Variants in CACNG5 observed in about 807,000 individuals in gnomAD.
CACNG5 encodes calcium voltage-gated channel auxiliary subunit gamma 5.
A neutral mutation model predicts 24.8 loss-of-function variants in CACNG5; 18 were observed. That is an observed-to-expected ratio of 0.73 (90% confidence interval 0.50 to 1.08). The LOEUF (loss-of-function observed/expected upper bound fraction) is 1.08. Ranked by LOEUF, CACNG5 falls within the 50% of genes least tolerant of loss-of-function variation. The pLI is 0.00. For synonymous variants in CACNG5, 157 were observed against 149.1 expected (o/e 1.05, Z -0.39); for missense variants, 349 against 367.9 (o/e 0.95, Z 0.42).
intron 1 of CACNG5, among the ~76,000 whole-genome samples, chr17:66,845,211 A>G (rs962218131): frequency 1.3e-5 from 2 of 152,162 alleles, no homozygotes; most frequent in African/African-American, 4.8e-5. Context: ...CAAACACCGC[A>G]TGTTCTCACT....
chr17:66,846,670 C>T (rs1350546355), intron 1 of CACNG5, among the ~76,000 whole-genome samples: 2 of 152,178 alleles, frequency 1.3e-5, no homozygotes, highest in South Asian at 2.1e-4. Context: ...TGCTACCACA[C>T]GAATGGAAAT....
intron 4 of CACNG5, among the ~76,000 whole-genome samples, chr17:66,882,398 G>A (rs1316843951): frequency 6.6e-6 from 1 of 152,176 alleles, no homozygotes; most frequent in Non-Finnish European, 1.5e-5. Flanking sequence ...AGAGGTCAGT[G>A]TCTGGGGCTC....
chr17:66,889,860 T>G lies in CACNG5; in HGVS notation c.*4620T>G, dbSNP rs1977316998. 6.6e-6 allele frequency among the ~76,000 whole-genome samples: 1 copy of G among 152,174 alleles called. No individual in the cohort carries two copies. The highest frequency in any genetic ancestry group is 2.1e-4 in the South Asian group (1 of 4,828). The stretch of plus-strand genomic sequence containing the variant: ...GTTAGAAAAATGTTTGGCCAAATAT[T>G]TGGGCAGCACCATGGCCCAGCCACA... On this transcript the variant is annotated 3_prime_UTR_variant, in exon 6 of 6. Coordinates refer to ENST00000533854, the MANE Select transcript of CACNG5 (RefSeq NM_145811.3).
chr17:66,855,271 C>T (rs1399340988), intron 1 of CACNG5, among the ~76,000 whole-genome samples: 1 of 152,170 alleles, frequency 6.6e-6, no homozygotes, highest in Non-Finnish European at 1.5e-5. Context: ...TAACAGGCAG[C>T]GATTCTCTGA....
At position 66,888,543 on chromosome 17, in the gene CACNG5, C is replaced by CAAAA. The variant is rs770809783; in HGVS notation, c.*3323_*3326dup. ...TGGGTGACAGAGCGAGACTCCGTCTCAAAAAAAAAAAAAAAAAAAAAAAGA... is the reference window on the plus strand; with the variant it reads ...TGGGTGACAGAGCGAGACTCCGTCTCAAAAAAAAAAAAAAAAAAAAAAAAAAAGA... On this transcript the variant is annotated 3_prime_UTR_variant, in exon 6 of 6. Transcript: ENST00000533854. 1.6e-4 allele frequency among the ~76,000 whole-genome samples: 10 copies of CAAAA among 62,618 alleles called. No individual in the cohort carries two copies. Among genetic ancestry groups the CAAAA allele is most frequent in the South Asian group, 7.7e-4 (1 of 1,292 alleles). The allele number at this position is 62,618 out of a possible 152,430, so 41.1% of individuals were successfully genotyped here.
intron 5 of CACNG5, 110 bp downstream of exon 5, chr17:66,884,771 C>T (rs375595665): frequency 1.1e-5 from 17 of 1,613,466 alleles, no homozygotes; most frequent in Middle Eastern, 1.6e-4. Flanking sequence ...TTTTGGACCC[C>T]GGACCACCCA....
At chr17:66,878,869 C>A in intron 2 of CACNG5, 103 bp from the exon 3 acceptor site, 2 of 921,696 alleles carry the variant, frequency 2.2e-6, no homozygotes, top group Non-Finnish European at 3.4e-6. Flanking sequence ...AAAGACACAG[C>A]AGGTCAAAGA....
rs1482102166 is a variant in CACNG5 at position 66,891,530 on chromosome 17, G to A, written c.*6290G>A. Among the ~76,000 whole-genome samples, 1 of 152,134 alleles carries A rather than the reference G, an allele frequency of 6.6e-6. No individual in the cohort carries two copies. Among genetic ancestry groups the A allele is most frequent in the Non-Finnish European group, 1.5e-5 (1 of 68,032 alleles). On this transcript the variant is annotated 3_prime_UTR_variant, in exon 6 of 6. Transcript: ENST00000533854. ...TGTCACTAGAACATCTTTGCACACGGTCTCTTCTTAAGGCCTGGTCTTCCT... is the reference window on the plus strand; with the variant it reads ...TGTCACTAGAACATCTTTGCACACGATCTCTTCTTAAGGCCTGGTCTTCCT...
chr17:66,873,479 A>G (rs1382282199), intron 1 of CACNG5, among the ~76,000 whole-genome samples: 1 of 151,946 alleles, frequency 6.6e-6, no homozygotes, highest in East Asian at 1.9e-4. Flanking sequence ...CTCCACTTTC[A>G]TCTTTCCAAA....
intron 1 of CACNG5, among the ~76,000 whole-genome samples, chr17:66,866,395 A>G (rs541924004): frequency 6.6e-6 from 1 of 152,234 alleles, no homozygotes; most frequent in African/African-American, 2.4e-5. Context: ...TCAGTCTCCC[A>G]AAGCACTGGG....
intron 1 of CACNG5, among the ~76,000 whole-genome samples, chr17:66,845,740 A>G (rs1306851359): frequency 6.6e-6 from 1 of 152,146 alleles, no homozygotes; most frequent in Non-Finnish European, 1.5e-5. Flanking sequence ...ACTGAAATCA[A>G]TGCCCTGTGT....
chr17:66,842,647 C>T (rs1044001546), intron 1 of CACNG5, among the ~76,000 whole-genome samples: 2 of 152,192 alleles, frequency 1.3e-5, no homozygotes, highest in African/African-American at 4.8e-5. Flanking sequence ...GCAGGACCCA[C>T]AGCTCTTGCA....
At chr17:66,856,545 C>A (rs545295345) in intron 1 of CACNG5, among the ~76,000 whole-genome samples, 49 of 142,944 alleles carry the variant, frequency 3.4e-4, no homozygotes, top group African/African-American at 1.2e-3. Flanking sequence ...GCCCCCCCGC[C>A]TTTTTTTTTT....
intron 1 of CACNG5, among the ~76,000 whole-genome samples, chr17:66,835,462 C>G (rs1306859860): frequency 2.0e-5 from 3 of 152,190 alleles, no homozygotes; most frequent in Non-Finnish European, 2.9e-5. Flanking sequence ...GTGCGTGTGT[C>G]TGTCTGTCCA....
chr17:66,877,280 A>G lies in CACNG5; in HGVS notation c.-53A>G. On this transcript the variant is annotated 5_prime_UTR_variant, in exon 2 of 6. Coordinates refer to ENST00000533854, the MANE Select transcript of CACNG5 (RefSeq NM_145811.3). ...CCCACTCTCCCTAGCCCCAGAGCGC[A>G]GTCCGTGCTGGTGGGAGCGTGGCGA... The G allele has an allele frequency of 4.0e-6, 6 of 1,500,058 alleles. No individual in the cohort carries two copies. The highest frequency in any genetic ancestry group is 4.6e-6 in the Non-Finnish European group (5 of 1,087,578). 92.9% of individuals were successfully genotyped at this position (1,500,058 alleles called of 1,614,324 possible).
intron 1 of CACNG5, among the ~76,000 whole-genome samples, chr17:66,835,513 C>T (rs7215656): frequency 0.051 from 7,692 of 152,268 alleles, 270 homozygotes; most frequent in African/African-American, 0.1. Flanking sequence ...ATGATGACGC[C>T]CCCTCTTTGC....
rs900281633 is a variant in CACNG5 at position 66,893,128 on chromosome 17, C to T, written c.*7888C>T. ...AGAAGTTTAGGGACTTGCTCATGACCGCACAGCTGGTAATATTTGCACTGC... is the reference window on the plus strand; with the variant it reads ...AGAAGTTTAGGGACTTGCTCATGACTGCACAGCTGGTAATATTTGCACTGC... On this transcript the variant is annotated 3_prime_UTR_variant, in exon 6 of 6. Coordinates refer to ENST00000533854, the MANE Select transcript of CACNG5 (RefSeq NM_145811.3). 7.2e-5 allele frequency among the ~76,000 whole-genome samples: 11 copies of T among 152,100 alleles called. No individual in the cohort carries two copies. The highest frequency in any genetic ancestry group is 1.9e-4 in the African/African-American group (8 of 41,410).
intron 1 of CACNG5, among the ~76,000 whole-genome samples, chr17:66,861,796 C>T (rs913849464): frequency 1.3e-5 from 2 of 152,184 alleles, no homozygotes; most frequent in African/African-American, 4.8e-5. Context: ...GAGGTGGTGG[C>T]CCGAGCAGGC....
chr17:66,861,815 G>T (rs1976864066), intron 1 of CACNG5, among the ~76,000 whole-genome samples: 1 of 152,200 alleles, frequency 6.6e-6, no homozygotes, highest in African/African-American at 2.4e-5. Context: ...GCTCCTAATT[G>T]CCAACAGTTA....
Sources: allele counts gnomAD v4.1 joint callset (sites outside exome capture counted in the v4.1 genomes callset), GRCh38; gene constraint gnomAD v4.1.1; transcripts MANE v1.5; gene names NCBI Gene and HGNC (gene_info 2026-07-23, HGNC 2026-07-21).